Variants in SCOC observed in about 807,000 individuals in gnomAD.
SCOC encodes the protein short coiled-coil protein, also known as short coiled coil protein.
In SCOC, 7 loss-of-function variants were observed where a neutral mutation model predicts 9.9. The observed-to-expected ratio is 0.71, with a 90% CI of 0.40 to 1.33. SCOC has a LOEUF of 1.33. SCOC is among the 40% of genes most tolerant of loss of function. The probability of loss-of-function intolerance (pLI) is 0.01; values close to 1 mark genes in which losing one functional copy is unlikely to be tolerated. For synonymous variants in SCOC, 19 were observed against 28.2 expected (o/e 0.67, Z 1.03); for missense variants, 66 against 89.7 (o/e 0.74, Z 1.07).
Position 140,269,301 on chromosome 4 carries a change from T to G in SCOC, c.-19+11891T>G, listed in dbSNP as rs894199572. ...TGTTTTGACGACCAATAGTGTACAG[T>G]GAAAGTGACAAAATGGGATTTCTGG... On this transcript the variant is annotated intron_variant, in intron 1 of 4. Transcript: ENST00000394205. Among the ~76,000 whole-genome samples the G allele has an allele frequency of 5.9e-5, 9 of 152,210 alleles. No individual in the cohort carries two copies. The Middle Eastern group carries it at 0.014, about 232-fold the overall frequency.
intron 2 of SCOC, among the ~76,000 whole-genome samples, chr4:140,367,979 A>C (rs1196304493): frequency 6.6e-6 from 1 of 152,226 alleles, no homozygotes; most frequent in Non-Finnish European, 1.5e-5. Flanking sequence ...ACACCATGTT[A>C]AGAAGCTAAA....
At chr4:140,267,718 A>G (rs920365447) in intron 1 of SCOC, among the ~76,000 whole-genome samples, 5 of 150,202 alleles carry the variant, frequency 3.3e-5, no homozygotes, top group African/African-American at 1.2e-4. Flanking sequence ...AGCTCCGGGA[A>G]CCCCCTCCTC....
In SCOC at chr4:140,336,432, C is replaced by T. The variant is rs77328092; in HGVS notation, c.-18-7189C>T. 2.4e-3 allele frequency among the ~76,000 whole-genome samples: 370 copies of T among 152,268 alleles called. 1 individual carries two copies. The highest frequency in any genetic ancestry group is 8.2e-3 in the African/African-American group (342 of 41,544). ...ACCATCGACCTGCTTTCTGTCTCTACGGACTTGCCTTTTCCAGATATATCA... is the reference window on the plus strand; with the variant it reads ...ACCATCGACCTGCTTTCTGTCTCTATGGACTTGCCTTTTCCAGATATATCA... On this transcript the variant is annotated intron_variant, in intron 1 of 4. Coordinates refer to the SCOC transcript ENST00000394205.
At chr4:140,315,127 TTC>T (rs1732275649) in intron 1 of SCOC, among the ~76,000 whole-genome samples, 1 of 152,190 alleles carries the variant, frequency 6.6e-6, no homozygotes, top group Non-Finnish European at 1.5e-5. Flanking sequence ...GAACTCCATA[TTC>T]TCTCTCTTCA....
At chr4:140,296,496 G>T (rs1731640767) in intron 1 of SCOC, among the ~76,000 whole-genome samples, 2 of 152,166 alleles carry the variant, frequency 1.3e-5, no homozygotes, top group Non-Finnish European at 2.9e-5. Flanking sequence ...ACGTGCCTGG[G>T]TTAGTGGAAA....
rs147583890 is a variant in SCOC, at chr4:140,385,384, T to C, written c.*4280T>C. 1 of 152,306 alleles carries C rather than the reference T, an allele frequency of 6.6e-6. No homozygotes were observed. Among genetic ancestry groups the C allele is most frequent in the East Asian group, 1.9e-4 (1 of 5,192 alleles). The allele number at this position is 152,306 out of a possible 1,614,324, so 9.4% of individuals were successfully genotyped here. The stretch of plus-strand genomic sequence containing the variant: ...GATAAAGAAAGACTACATATGTACA[T>C]AAAACCTTGCCGGGGAAGTCAGGCT... On this transcript the variant is annotated 3_prime_UTR_variant, in exon 4 of 4. Transcript: ENST00000608372.
At chr4:140,379,741 G>T (rs1728490588) in intron 3 of SCOC, 89 bp downstream of exon 3, 2 of 915,770 alleles carry the variant, frequency 2.2e-6, no homozygotes, top group Non-Finnish European at 3.4e-6. Flanking sequence ...TTGTTAGGAT[G>T]TATAATTTTT....
chr4:140,318,899 G>A (rs1361135838), intron 1 of SCOC, among the ~76,000 whole-genome samples: 4 of 152,176 alleles, frequency 2.6e-5, no homozygotes, highest in Admixed American at 2.6e-4. Context: ...TACACTTGCA[G>A]CATCTTTTCT....
At chr4:140,355,622 A>C (rs143927622) in intron 2 of SCOC, among the ~76,000 whole-genome samples, 1 of 152,342 alleles carries the variant, frequency 6.6e-6, no homozygotes, top group Non-Finnish European at 1.5e-5. Flanking sequence ...GTACTGAATA[A>C]TGAAATATGG....
chr4:140,272,262 C>T (rs1730863565), intron 1 of SCOC, among the ~76,000 whole-genome samples: 1 of 150,984 alleles, frequency 6.6e-6, no homozygotes, highest in South Asian at 2.1e-4. Flanking sequence ...ACTATGTTGC[C>T]TAGGGTGGTC....
chr4:140,310,827 C>T, intron 1 of SCOC, among the ~76,000 whole-genome samples: 1 of 152,158 alleles, frequency 6.6e-6, no homozygotes, highest in East Asian at 1.9e-4. Context: ...GGGTGGCAGT[C>T]ATGATGGGGT....
rs192501613 is a variant in SCOC, at chr4:140,337,811, T to A, written c.-18-5810T>A. 1.6e-4 allele frequency among the ~76,000 whole-genome samples: 25 copies of A among 152,060 alleles called. 1 individual carries two copies. The East Asian group carries it at 4.8e-3, about 29-fold the overall frequency. On this transcript the variant is annotated intron_variant, in intron 1 of 4. Transcript: ENST00000394205. ...CTCTGAAATTGAGACAAATAATAGC[T>A]TACCAACCAAAAAAAGTCCGGGACC...
chr4:140,353,599 G>A (rs780434687), intron 2 of SCOC, among the ~76,000 whole-genome samples: 1 of 152,036 alleles, frequency 6.6e-6, no homozygotes, highest in Non-Finnish European at 1.5e-5. Context: ...TTTTAGTAGA[G>A]ACAGGGTTTC....
chr4:140,352,213 G>T (rs1027698418), intron 2 of SCOC, among the ~76,000 whole-genome samples: 1 of 152,140 alleles, frequency 6.6e-6, no homozygotes, highest in African/African-American at 2.4e-5. Context: ...ATCCTTAAGG[G>T]TATTGAAAAA....
chr4:140,299,093 C>T (rs1430329360), intron 1 of SCOC, among the ~76,000 whole-genome samples: 1 of 152,198 alleles, frequency 6.6e-6, no homozygotes, highest in Admixed American at 6.5e-5. Context: ...TCTGGGATTA[C>T]AGGCATGAGC....
intron 1 of SCOC, chr4:140,291,452 C>T (rs1731469003): frequency 2.2e-6 from 1 of 457,176 alleles, no homozygotes; most frequent in African/African-American, 2.0e-5. Flanking sequence ...TCATCTTGCC[C>T]AGTCAGCATG....
chr4:140,373,931 T>C, intron 1 of SCOC: 1 of 698,556 alleles, frequency 1.4e-6, no homozygotes, highest in South Asian at 1.5e-5. Context: ...CTGTTTTCGT[T>C]GTCAGGCCCA....
Position 140,334,023 on chromosome 4 carries a change from T to A in SCOC, c.-18-9598T>A, listed in dbSNP as rs187968311. 2.2e-3 allele frequency among the ~76,000 whole-genome samples: 336 copies of A among 152,208 alleles called. 1 individual carries two copies. Among genetic ancestry groups the A allele is most frequent in the Admixed American group, 4.5e-3 (68 of 15,276 alleles). ...GCCTTGAACTCCTGGGTTCAAGTGA[T>A]CCTCCTACCTCAGCCTCCTGAGTAG... On this transcript the variant is annotated intron_variant, in intron 1 of 4. Transcript: ENST00000394205.
chr4:140,331,287 T>C (rs911881583), intron 1 of SCOC, among the ~76,000 whole-genome samples: 9 of 152,236 alleles, frequency 5.9e-5, no homozygotes, highest in African/African-American at 1.9e-4. Flanking sequence ...CACTGAACTA[T>C]GAAAATAAAC....
Sources: gnomAD v4.1 joint callset for allele counts (sites outside exome capture counted in the v4.1 genomes callset) on GRCh38, gnomAD v4.1.1 for gene constraint, MANE v1.5 for transcripts, NCBI Gene and HGNC (gene_info 2026-07-23, HGNC 2026-07-21) for gene names.